Variants in ANKFN1 observed in about 807,000 individuals in gnomAD.
ANKFN1 encodes the protein ankyrin repeat and fibronectin type-III domain-containing protein 1.
ANKFN1 carries 74 observed loss-of-function variants against 108.7 expected under a neutral mutation model. That is an observed-to-expected ratio of 0.68 (90% CI 0.56 to 0.83). The LOEUF is 0.83. Ranked by LOEUF, ANKFN1 falls within the 40% of genes least tolerant of loss-of-function variation. The pLI, the probability that ANKFN1 is intolerant of heterozygous loss-of-function variation, is 0.00. For synonymous variants in ANKFN1, 547 were observed against 516.2 expected, an observed-to-expected ratio of 1.06 and a Z score of -0.81; for missense variants, 1,505 against 1,382.3, an observed-to-expected ratio of 1.09 and a Z score of -1.41.
At chr17:56,384,221 C>G (rs181100899) in intron 8 of ANKFN1, among the ~76,000 whole-genome samples, 1 of 152,162 alleles carries the variant, frequency 6.6e-6, no homozygotes, top group Non-Finnish European at 1.5e-5. Context: ...GAACCAAAGA[C>G]GAAAACCACG....
At chr17:56,390,028 A>C (rs1483571578) in intron 8 of ANKFN1, among the ~76,000 whole-genome samples, 1 of 149,198 alleles carries the variant, frequency 6.7e-6, no homozygotes, top group Admixed American at 6.7e-5. Context: ...TTTTTTTTTT[A>C]TTTTTTATTT....
At chr17:56,080,932 C>T (rs1373535327) in intron 4 of ANKFN1, among the ~76,000 whole-genome samples, 3 of 152,170 alleles carry the variant, frequency 2.0e-5, no homozygotes, top group African/African-American at 4.8e-5. Context: ...CAATCCCTCC[C>T]CAGAAACTGC....
intron 14 of ANKFN1, among the ~76,000 whole-genome samples, chr17:56,459,761 C>T (rs2049839370): frequency 6.6e-6 from 1 of 152,170 alleles, no homozygotes; most frequent in Admixed American, 6.5e-5. Context: ...CAGGCTGTTA[C>T]AAGTCAGTGC....
At chr17:56,442,335 A>G (rs2049133340) in intron 9 of ANKFN1, among the ~76,000 whole-genome samples, 1 of 152,238 alleles carries the variant, frequency 6.6e-6, no homozygotes, top group African/African-American at 2.4e-5. Context: ...ATGTATGCAG[A>G]CACAAAAAGA....
chr17:56,115,817 G>C (rs1906231021), intron 4 of ANKFN1, among the ~76,000 whole-genome samples: 1 of 152,136 alleles, frequency 6.6e-6, no homozygotes, highest in Admixed American at 6.6e-5. Flanking sequence ...AGGACTCTCA[G>C]TTTTCTTAGT....
intron 3 of ANKFN1, 32 bp from the exon 4 acceptor site, chr17:56,326,189 G>A (rs771455487): frequency 3.8e-6 from 6 of 1,595,810 alleles, no homozygotes; most frequent in Non-Finnish European, 5.1e-6. Context: ...CTTGCCTGTA[G>A]TGATCCTGTT....
chr17:56,163,335 T>A (rs112484385), intron 1 of ANKFN1, among the ~76,000 whole-genome samples: 2 of 152,178 alleles, frequency 1.3e-5, no homozygotes, highest in African/African-American at 4.8e-5. Flanking sequence ...AGATTTTCAT[T>A]TGGACACTAG....
At chr17:56,124,249 T>C (rs560645162) in intron 4 of ANKFN1, among the ~76,000 whole-genome samples, 1 of 152,208 alleles carries the variant, frequency 6.6e-6, no homozygotes, top group African/African-American at 2.4e-5. Flanking sequence ...TATCCTAATA[T>C]AATGTGTGTG....
chr17:56,256,400 C>T (rs564566291), intron 3 of ANKFN1, among the ~76,000 whole-genome samples: 1 of 152,118 alleles, frequency 6.6e-6, no homozygotes, highest in African/African-American at 2.4e-5. Context: ...GTTCTCTGTC[C>T]TCATAAAAGG....
chr17:56,178,579 T>C (rs1271759561), intron 1 of ANKFN1, among the ~76,000 whole-genome samples: 1 of 151,794 alleles, frequency 6.6e-6, no homozygotes, highest in Non-Finnish European at 1.5e-5. Flanking sequence ...TCTAGGCTTT[T>C]CCCAAATCAG....
chr17:56,242,868 TA>T (rs953962067), intron 3 of ANKFN1, among the ~76,000 whole-genome samples: 2 of 152,114 alleles, frequency 1.3e-5, no homozygotes, highest in South Asian at 2.1e-4. Context: ...AGGATTTTTT[TA>T]AAAAAACATG....
intron 5 of ANKFN1, among the ~76,000 whole-genome samples, chr17:56,352,070 C>T (rs1410056100): frequency 2.0e-5 from 3 of 152,134 alleles, no homozygotes; most frequent in Admixed American, 6.5e-5. Context: ...AATATGTTTT[C>T]GCATTTCAAA....
intron 3 of ANKFN1, among the ~76,000 whole-genome samples, chr17:56,234,899 C>T (rs1917005712): frequency 6.6e-6 from 1 of 152,058 alleles, no homozygotes; most frequent in Non-Finnish European, 1.5e-5. Context: ...AATGGTAGTC[C>T]TGTTTTTAGC....
chr17:56,285,746 A>G (rs2044198305), intron 3 of ANKFN1, among the ~76,000 whole-genome samples: 1 of 151,992 alleles, frequency 6.6e-6, no homozygotes, highest in African/African-American at 2.4e-5. Context: ...TCAATTCTCC[A>G]AATAGTCTAA....
chr17:56,323,272 C>T (rs1308947250), intron 3 of ANKFN1: 2 of 152,288 alleles, frequency 1.3e-5, no homozygotes, highest in Admixed American at 6.6e-5. Context: ...GATCCCATCT[C>T]GTGCTGTAGT....
rs546787102 is a variant in ANKFN1 at position 56,268,463 on chromosome 17, C to A, written c.53+40506C>A. 3.9e-5 allele frequency among the ~76,000 whole-genome samples: 6 copies of A among 152,112 alleles called. No homozygotes were observed. The South Asian group carries it at 1.2e-3, about 32-fold the overall frequency. On this transcript the variant is annotated intron_variant, in intron 3 of 20. Transcript: ENST00000682825. ...GGGGAAATTTTATAGTGCTAAACAC[C>A]CATATCAAAAAGTTAGAAAGATCTA...
At chr17:56,154,764 G>A (rs1908938516) in intron 1 of ANKFN1, among the ~76,000 whole-genome samples, 3 of 152,162 alleles carry the variant, frequency 2.0e-5, no homozygotes, top group African/African-American at 7.2e-5. Context: ...TAGGGGCCAG[G>A]TACATTTGGG....
chr17:56,467,845 A>G (rs2050179422), intron 15 of ANKFN1, among the ~76,000 whole-genome samples: 1 of 25,224 alleles, frequency 4.0e-5, no homozygotes, highest in Non-Finnish European at 8.4e-5. Flanking sequence ...AAAGAAAGAA[A>G]GAAAGAAAAA....
chr17:56,068,140 A>G (rs1282915747), intron 4 of ANKFN1, among the ~76,000 whole-genome samples: 5 of 152,072 alleles, frequency 3.3e-5, no homozygotes, highest in Admixed American at 1.3e-4. Context: ...TCCCACCTGT[A>G]TGCATCTGGG....
Sources: gnomAD v4.1 joint callset for allele counts (sites outside exome capture counted in the v4.1 genomes callset) on GRCh38, gnomAD v4.1.1 for gene constraint, MANE v1.5 for transcripts, NCBI Gene and HGNC (gene_info 2026-07-23, HGNC 2026-07-21) for gene names.